The following KIF15 variants were observed in gnomAD, a reference collection of about 807,000 sequenced individuals.
The protein encoded by KIF15 is kinesin family member 15.
A neutral mutation model predicts 190.6 loss-of-function variants in KIF15; 140 were observed. The ratio of observed to expected loss-of-function variants is 0.73; its 90% CI spans 0.64 to 0.84. KIF15 has a LOEUF of 0.84. Among genes scored for constraint, KIF15 ranks in the 40% least tolerant of loss-of-function variants. The probability of loss-of-function intolerance (pLI) is 0.00; values close to 1 mark genes in which losing one functional copy is unlikely to be tolerated. For missense variants in KIF15, 1,372 were observed against 1,584.4 expected (o/e 0.87, Z 2.28); for synonymous variants, 528 against 551.3 (o/e 0.96, Z 0.59).
rs767852028 is a variant in KIF15 at position 44,778,202 on chromosome 3, G to A, written c.323+11G>A. The A allele has an allele frequency of 6.3e-7, 1 of 1,598,646 alleles. No individual in the cohort carries two copies. Among genetic ancestry groups the A allele is most frequent in the East Asian group, 2.2e-5 (1 of 44,806 alleles). On this transcript the variant is annotated intron_variant, in intron 4 of 34. Coordinates refer to ENST00000326047, the MANE Select transcript of KIF15 (RefSeq NM_020242.3). ...TACCATCTTTGCATAGTAAGTTGTT[G>A]ACTGTGTCCTTATACATAGTACATG...
At chr3:44,798,744 G>C (rs956779624) in intron 10 of KIF15, among the ~76,000 whole-genome samples, 2 of 152,156 alleles carry the variant, frequency 1.3e-5, no homozygotes, top group African/African-American at 4.8e-5. Flanking sequence ...AAGTATGTGA[G>C]TCTTTCTTCC....
Position 44,849,214 on chromosome 3 carries a change from CAT to C in KIF15, c.3806+660_3806+661del, listed in dbSNP as rs1427195041. ...ACTGATTTAAAGGATTTTGAAACAT[CAT>C]ATACCCTCTTGCATATTTTTGAAGT... On this transcript the variant is annotated intron_variant, in intron 32 of 34. Transcript: ENST00000326047. Among the ~76,000 whole-genome samples the C allele has an allele frequency of 6.6e-5, 10 of 152,168 alleles. No individual in the cohort carries two copies. The South Asian group carries it at 2.1e-3, about 32-fold the overall frequency.
intron 7 of KIF15, among the ~76,000 whole-genome samples, chr3:44,787,680 C>T (rs1214702438): frequency 2.6e-5 from 4 of 152,138 alleles, no homozygotes; most frequent in Non-Finnish European, 5.9e-5. Context: ...TTACAATATT[C>T]AGTCCATACA....
intron 10 of KIF15, chr3:44,799,117 G>C (rs1313916523): frequency 3.1e-6 from 1 of 320,940 alleles, no homozygotes; most frequent in Non-Finnish European, 5.9e-6. Flanking sequence ...GAAGTCTTTG[G>C]AGATATAGAA....
At chr3:44,821,533 G>A (rs71324169) in intron 20 of KIF15, among the ~76,000 whole-genome samples, 13 of 152,020 alleles carry the variant, frequency 8.6e-5, no homozygotes, top group African/African-American at 2.9e-4. Flanking sequence ...ATGAGTGGCC[G>A]GGCAGAGACG....
At chr3:44,776,868 G>A (rs1290256724) in intron 3 of KIF15, among the ~76,000 whole-genome samples, 1 of 152,166 alleles carries the variant, frequency 6.6e-6, no homozygotes, top group African/African-American at 2.4e-5. Context: ...CTAGTCACAT[G>A]TGGCTCCTGA....
chr3:44,867,732 T>C (rs1699336071), intron 6 of KIF15, among the ~76,000 whole-genome samples: 1 of 152,266 alleles, frequency 6.6e-6, no homozygotes, highest in Non-Finnish European at 1.5e-5. Flanking sequence ...GATCAGTCAT[T>C]CTTCAAAAAG....
chr3:44,868,090 T>G (rs1699339465), intron 6 of KIF15, among the ~76,000 whole-genome samples: 1 of 152,242 alleles, frequency 6.6e-6, no homozygotes. Flanking sequence ...AAAGAAATTC[T>G]CATACCCATT....
chr3:44,804,948 C>T (rs746997651), intron 14 of KIF15, 79 bp from the exon 15 acceptor site: 197 of 1,426,462 alleles, frequency 1.4e-4, no homozygotes, highest in Non-Finnish European at 1.7e-4. Flanking sequence ...ATAGCCACTG[C>T]ACTCTAGCCT....
intron 14 of KIF15, among the ~76,000 whole-genome samples, chr3:44,803,586 G>A (rs1400433476): frequency 1.3e-5 from 2 of 152,178 alleles, no homozygotes; most frequent in East Asian, 3.8e-4. Context: ...CTGGGATTTG[G>A]TAACAAAGTC....
chr3:44,805,245 C>G, intron 15 of KIF15, 77 bp downstream of exon 15: 1 of 1,363,360 alleles, frequency 7.3e-7, no homozygotes, highest in Non-Finnish European at 1.0e-6. Context: ...ATCGATAATT[C>G]AATTGGGCAT....
At chr3:44,829,605 T>C (rs1697924711) in intron 24 of KIF15, among the ~76,000 whole-genome samples, 1 of 33,406 alleles carries the variant, frequency 3.0e-5, no homozygotes, top group African/African-American at 1.4e-4. Context: ...TATATATGCA[T>C]ATATATTATA....
intron 8 of KIF15, 108 bp downstream of exon 8, chr3:44,794,534 G>C (rs1054253695): frequency 5.0e-6 from 4 of 792,736 alleles, no homozygotes; most frequent in African/African-American, 1.8e-5. Context: ...CATTTATGAT[G>C]GGGGTCCCTT....
rs1388856665 is a variant in KIF15 at position 44,761,847 on chromosome 3, A to T, written c.-19A>T. On this transcript the variant is annotated 5_prime_UTR_variant, in exon 1 of 35. Coordinates refer to ENST00000326047, the MANE Select transcript of KIF15 (RefSeq NM_020242.3). ...AGGCACCGGCTGCATTGTTTTCGGG[A>T]TCGAGGGGTGAGGGCGCTATGGCAC... 38 of 1,613,952 alleles carry T rather than the reference A, an allele frequency of 2.4e-5. No homozygotes were observed. The Admixed American group carries it at 6.3e-4, about 27-fold the overall frequency.
chr3:44,769,285 C>G (rs1705544614), intron 1 of KIF15, among the ~76,000 whole-genome samples: 1 of 152,132 alleles, frequency 6.6e-6, no homozygotes, highest in South Asian at 2.1e-4. Flanking sequence ...AGATGAATGG[C>G]AATCCATCAA....
chr3:44,867,271 C>A (rs1002204632), intron 6 of KIF15, among the ~76,000 whole-genome samples: 2 of 152,234 alleles, frequency 1.3e-5, no homozygotes, highest in Admixed American at 1.3e-4. Flanking sequence ...CTGTTCCATA[C>A]TGTGACTCAG....
At chr3:44,841,334 A>C in intron 29 of KIF15, 96 bp downstream of exon 29, 3 of 860,666 alleles carry the variant, frequency 3.5e-6, no homozygotes, top group South Asian at 1.7e-5. Context: ...CATTTGCCTC[A>C]GCCACCCAGT....
chr3:44,829,550 G>GCATATAT (rs375446831), intron 24 of KIF15, among the ~76,000 whole-genome samples: 1 of 31,946 alleles, frequency 3.1e-5, no homozygotes, highest in Admixed American at 4.7e-4. Flanking sequence ...TATTATATAT[G>GCATATAT]TATATATTAT....
intron 25 of KIF15, among the ~76,000 whole-genome samples, chr3:44,830,371 A>C (rs1348903348): frequency 6.6e-6 from 1 of 152,228 alleles, no homozygotes; most frequent in Non-Finnish European, 1.5e-5. Flanking sequence ...CTGAATAAGA[A>C]ACAGGCTGGT....
Sources: allele counts gnomAD v4.1 joint callset (sites outside exome capture counted in the v4.1 genomes callset), GRCh38; gene constraint gnomAD v4.1.1; transcripts MANE v1.5; gene names NCBI Gene and HGNC (gene_info 2026-07-23, HGNC 2026-07-21).